FARP1: variants seen among roughly 807,000 people sequenced by gnomAD.
The protein encoded by FARP1 is FERM, ARH/RhoGEF and pleckstrin domain protein 1, also known as FERM, ARHGEF and pleckstrin domain-containing protein 1.
In FARP1, 52 loss-of-function variants were observed where a neutral mutation model predicts 128.8. The ratio of observed to expected loss-of-function variants is 0.40; its 90% confidence interval spans 0.32 to 0.51. The LOEUF (loss-of-function observed/expected upper bound fraction) is 0.51. FARP1 is among the 20% of genes least tolerant of loss of function. FARP1 has a pLI of 0.45. For synonymous variants in FARP1, 580 were observed against 551.8 expected (o/e 1.05, Z -0.72); for missense variants, 1,333 against 1,367.9 (o/e 0.97, Z 0.40).
At chr13:98,344,829 T>C (rs1888113538) in intron 3 of FARP1, among the ~76,000 whole-genome samples, 1 of 152,160 alleles carries the variant, frequency 6.6e-6, no homozygotes, top group South Asian at 2.1e-4. Context: ...CTCCAAACAC[T>C]CTGTCGTTTT....
At chr13:98,373,533 G>GACAGACACACACACACACACAC (rs1349451618) in intron 5 of FARP1, among the ~76,000 whole-genome samples, 20 of 131,068 alleles carry the variant, frequency 1.5e-4, no homozygotes, top group African/African-American at 4.7e-4. Flanking sequence ...CAGACAGACA[G>GACAGACACACACACACACACAC]ACACACACAC....
At position 98,404,299 on chromosome 13, in the gene FARP1, G is replaced by C. The variant is rs114820630; in HGVS notation, c.1415-5039G>C. 422 of 152,274 alleles carry C rather than the reference G, an allele frequency of 2.8e-3. 2 individuals carry two copies. The highest frequency in any genetic ancestry group is 9.8e-3 in the African/African-American group (408 of 41,542). The allele number at this position is 152,274 out of a possible 1,614,324, so 9.4% of individuals were successfully genotyped here. A position where few individuals can be genotyped will look rare whatever the true frequency, so the allele number is the denominator to read the frequency against. ...ACATACATTACCCTCAACAACCTCA[G>C]GTATCAAGAAGAGGACCACACTGCT... On this transcript the variant is annotated intron_variant, in intron 13 of 26. Transcript: ENST00000319562.
chr13:98,238,598 A>G (rs1882583836), intron 2 of FARP1, among the ~76,000 whole-genome samples: 1 of 152,180 alleles, frequency 6.6e-6, no homozygotes, highest in African/African-American at 2.4e-5. Context: ...GCAGGCAAAG[A>G]GAGAGTGTGC....
At position 98,409,400 on chromosome 13, in the gene FARP1, C is replaced by A. The variant is rs778418581; in HGVS notation, c.1477C>A (p.Pro493Thr). ...LSVNSQGGVAPANVTLSPNLS... is the reference protein window; with the variant it reads ...LSVNSQGGVATANVTLSPNLS... ...TGTGAACTCGCAGGGGGGAGTGGCC[C>A]CTGCCAACGTGACCTTGTCTCCCAA... The change falls in exon 14 of 27, where the codon CCT becomes ACT. Residue 493 changes from proline (P) to threonine (T), a missense_variant. Transcript: ENST00000319562. 6.2e-7 allele frequency: 1 copy of A among 1,614,050 alleles called. No homozygotes were observed. Among genetic ancestry groups the A allele is most frequent in the Non-Finnish European group, 8.5e-7 (1 of 1,180,004 alleles).
intron 6 of FARP1, among the ~76,000 whole-genome samples, chr13:98,380,014 A>G (rs1889829649): frequency 6.6e-6 from 1 of 152,238 alleles, no homozygotes; most frequent in Non-Finnish European, 1.5e-5. Flanking sequence ...TTATTGAAAT[A>G]GTAACTTCAT....
chr13:98,334,534 C>G (rs1376439219), intron 2 of FARP1, among the ~76,000 whole-genome samples: 1 of 152,176 alleles, frequency 6.6e-6, no homozygotes, highest in Non-Finnish European at 1.5e-5. Flanking sequence ...TCATTGAATT[C>G]TCACATTAGT....
chr13:98,167,374 T>G (rs1877338903), intron 1 of FARP1, among the ~76,000 whole-genome samples: 1 of 151,652 alleles, frequency 6.6e-6, no homozygotes, highest in South Asian at 2.1e-4. Context: ...AGGTCATGCT[T>G]AGAGAGATCT....
rs60264788 is a variant in FARP1, at chr13:98,333,436, T to TACACACACACACACAC, written c.172-10298_172-10283dup. 1.7e-4 allele frequency among the ~76,000 whole-genome samples: 24 copies of TACACACACACACACAC among 139,754 alleles called. 1 individual carries two copies. Among genetic ancestry groups the TACACACACACACACAC allele is most frequent in the Non-Finnish European group, 2.5e-4 (16 of 64,738 alleles). 91.7% of individuals were successfully genotyped at this position (139,754 alleles called of 152,430 possible). A position where few individuals can be genotyped will look rare whatever the true frequency, so the allele number is the denominator to read the frequency against. On this transcript the variant is annotated intron_variant, in intron 2 of 26. Coordinates refer to ENST00000319562, the MANE Select transcript of FARP1 (RefSeq NM_005766.4). The stretch of plus-strand genomic sequence containing the variant: ...GAAAGCAGTAGAAATCCCCCACATG[T>TACACACACACACACAC]ACACACACACACACACACACACACA...
At chr13:98,290,844 T>G (rs1885416837) in intron 2 of FARP1, among the ~76,000 whole-genome samples, 1 of 152,170 alleles carries the variant, frequency 6.6e-6, no homozygotes, top group Non-Finnish European at 1.5e-5. Context: ...GCCAAGGAGC[T>G]GGCAAAATGG....
At chr13:98,406,235 T>A (rs1890966560) in intron 13 of FARP1, 2 of 152,236 alleles carry the variant, frequency 1.3e-5, no homozygotes. Flanking sequence ...TTTCATTAAT[T>A]GCTGAAAGGT....
intron 5 of FARP1, among the ~76,000 whole-genome samples, chr13:98,374,528 T>C (rs559169156): frequency 6.6e-6 from 1 of 152,302 alleles, no homozygotes; most frequent in South Asian, 2.1e-4. Context: ...TAGTCCCTCA[T>C]TTTCTTTTCC....
At chr13:98,439,907 T>G in intron 21 of FARP1, 54 bp from the exon 22 acceptor site, 1 of 1,264,628 alleles carries the variant, frequency 7.9e-7, no homozygotes, top group Non-Finnish European at 1.1e-6. Flanking sequence ...AGCTCAGGGA[T>G]GTTTGGAAGT....
intron 2 of FARP1, among the ~76,000 whole-genome samples, chr13:98,317,259 T>C (rs1049201333): frequency 7.2e-5 from 11 of 152,098 alleles, no homozygotes; most frequent in Non-Finnish European, 1.5e-4. Flanking sequence ...GCATGTGTGG[T>C]TTTGTTTGTT....
rs750957457 is a variant in FARP1, at chr13:98,431,220, G to T, written c.2083G>T (p.Val695Phe). The T allele has an allele frequency of 1.9e-6, 3 of 1,599,398 alleles. No homozygotes were observed. Among genetic ancestry groups the T allele is most frequent in the Non-Finnish European group, 2.6e-6 (3 of 1,173,288 alleles). Reference protein sequence around the residue: ...PLHRLMHYKQVLERLCKHHPP... With the variant: ...PLHRLMHYKQFLERLCKHHPP... ...GCACCGGCTCATGCACTACAAGCAGGTCCTGGAGCGGCTGTGCAAACACCA... is the reference window on the plus strand; with the variant it reads ...GCACCGGCTCATGCACTACAAGCAGTTCCTGGAGCGGCTGTGCAAACACCA... The change falls in exon 18 of 27, where the codon GTC becomes TTC. Residue 695 changes from valine to phenylalanine, a missense_variant. Physicochemically the swap from Val to Phe is conservative, Grantham distance 50 (BLOSUM62 -1). Coordinates refer to ENST00000319562, the MANE Select transcript of FARP1 (RefSeq NM_005766.4).
chr13:98,431,060 G>T lies in FARP1; in HGVS notation c.1923G>T (p.Leu641=). Residue 641 remains leucine (L), a synonymous_variant, in exon 18 of 27, where the codon CTG becomes CTT. Transcript: ENST00000319562. ...CTCCCAAGCACCTGGCGGCTCACCT[G>T]TGGAAGCACAGCGAGGCCTTGGAGG... ...IQGMKHLAAH[L]WKHSEALEAL... is the part of the protein sequence containing the mutation. 1 of 1,613,810 alleles carries T rather than the reference G, an allele frequency of 6.2e-7. No homozygotes were observed. Among genetic ancestry groups the T allele is most frequent in the Non-Finnish European group, 8.5e-7 (1 of 1,179,770 alleles).
At chr13:98,291,682 C>A (rs1285144333) in intron 2 of FARP1, among the ~76,000 whole-genome samples, 3 of 152,184 alleles carry the variant, frequency 2.0e-5, no homozygotes, top group Non-Finnish European at 4.4e-5. Context: ...CCTTGTACTC[C>A]CAACAAGCTA....
intron 3 of FARP1, among the ~76,000 whole-genome samples, chr13:98,364,122 G>C (rs574538389): frequency 2.0e-5 from 3 of 152,184 alleles, no homozygotes; most frequent in Non-Finnish European, 2.9e-5. Flanking sequence ...CTGTAAAAAT[G>C]TTTACGATGA....
chr13:98,385,554 G>A, intron 7 of FARP1, 113 bp from the exon 8 acceptor site: 1 of 1,161,496 alleles, frequency 8.6e-7, no homozygotes, highest in Non-Finnish European at 1.3e-6. Context: ...GGTAGCCCCA[G>A]TGTTTGTGAT....
At chr13:98,402,596 G>T (rs1890820080) in intron 13 of FARP1, 1 of 152,150 alleles carries the variant, frequency 6.6e-6, no homozygotes, top group African/African-American at 2.4e-5. Context: ...TAAAGCATTT[G>T]TCACTTTCCC....
Sources: allele counts gnomAD v4.1 joint callset (sites outside exome capture counted in the v4.1 genomes callset), GRCh38; gene constraint gnomAD v4.1.1; transcripts MANE v1.5; gene names NCBI Gene and HGNC (gene_info 2026-07-23, HGNC 2026-07-21).